Variants in CRB1 observed in about 807,000 individuals in gnomAD.
CRB1 encodes protein crumbs homolog 1.
CRB1 carries 83 observed loss-of-function variants against 120.0 expected under a neutral mutation model. That is an observed-to-expected ratio of 0.69 (90% confidence interval 0.58 to 0.83). The LOEUF is 0.83. Among genes scored for constraint, CRB1 ranks in the 40% least tolerant of loss-of-function variants. The pLI is 0.00. For synonymous variants in CRB1, 625 were observed against 612.5 expected (o/e 1.02, Z -0.30); for missense variants, 1,699 against 1,687.6 (o/e 1.01, Z -0.12).
chr1:197,435,318 G>A lies in CRB1; in HGVS notation c.3455G>A (p.Gly1152Glu). The A allele has an allele frequency of 1.2e-6, 2 of 1,613,780 alleles. No individual in the cohort carries two copies. The highest frequency in any genetic ancestry group is 1.1e-5 in the South Asian group (1 of 91,078). Reference protein sequence around the residue: ...VCNSNPCLHGGNCEDIYSSYH... With the variant: ...VCNSNPCLHGENCEDIYSSYH... Reference sequence around the variant, plus strand: ...AACTCCAACCCCTGTTTGCATGGAGGAAACTGTGAAGACATCTATAGCTCT... The same window carrying A: ...AACTCCAACCCCTGTTTGCATGGAGAAAACTGTGAAGACATCTATAGCTCT... Residue 1152 changes from glycine to glutamate, a missense_variant, in exon 9 of 12, where the codon GGA becomes GAA. Physicochemically the swap from Gly to Glu is moderately conservative, Grantham distance 98. Transcript: ENST00000367400.
intron 1 of CRB1, among the ~76,000 whole-genome samples, chr1:197,293,572 C>A (rs1656330658): frequency 6.6e-6 from 1 of 152,050 alleles, no homozygotes; most frequent in Non-Finnish European, 1.5e-5. Context: ...CTTTAAAGTT[C>A]ATATGGAACC....
chr1:197,337,627 G>A (rs1219374416), intron 2 of CRB1, among the ~76,000 whole-genome samples: 2 of 152,002 alleles, frequency 1.3e-5, no homozygotes, highest in African/African-American at 2.4e-5. Context: ...AATACCTATG[G>A]TATCTAAACA....
At chr1:197,359,352 T>G (rs1041648792) in intron 5 of CRB1, among the ~76,000 whole-genome samples, 2 of 152,072 alleles carry the variant, frequency 1.3e-5, no homozygotes, top group African/African-American at 2.4e-5. Context: ...AATAAGAGTT[T>G]TTTTTTTTTT....
the CRB1 span, among the ~76,000 whole-genome samples, chr1:197,224,194 T>C: frequency 1.5e-4 from 23 of 152,192 alleles, no homozygotes; most frequent in African/African-American, 5.5e-4. Flanking sequence ...GTTTACATAA[T>C]GGAGTCTGAA....
chr1:197,458,892 T>C (rs1666403109), intron 11 of CRB1, among the ~76,000 whole-genome samples: 1 of 152,106 alleles, frequency 6.6e-6, no homozygotes, highest in Non-Finnish European at 1.5e-5. Context: ...AAGCACAGTA[T>C]AAATTCACAG....
At chr1:197,450,957 C>CAAAAAAAA (rs11288525) in intron 11 of CRB1, among the ~76,000 whole-genome samples, 1 of 56,632 alleles carries the variant, frequency 1.8e-5, no homozygotes, top group Non-Finnish European at 3.0e-5. Flanking sequence ...GACTCCGTCC[C>CAAAAAAAA]AAAAAAAAAA....
chr1:197,363,990 A>C (rs1660926280), intron 5 of CRB1: 2 of 1,387,480 alleles, frequency 1.4e-6, no homozygotes, highest in Admixed American at 1.7e-5. Context: ...AAAGCTATGA[A>C]AAGTGCCGGC....
the CRB1 span, among the ~76,000 whole-genome samples, chr1:197,221,343 A>G: frequency 6.6e-6 from 1 of 152,228 alleles, no homozygotes; most frequent in African/African-American, 2.4e-5. Context: ...TTTGATAACT[A>G]TAGAATTAGT....
chr1:197,252,653 CAT>C, the CRB1 span, among the ~76,000 whole-genome samples: 1 of 135,038 alleles, frequency 7.4e-6, no homozygotes, highest in African/African-American at 2.7e-5. Flanking sequence ...CACACACACA[CAT>C]ATATATAAAA....
chr1:197,382,245 C>A lies in CRB1; in HGVS notation c.1171+25232C>A, dbSNP rs983840578. 2.0e-5 allele frequency among the ~76,000 whole-genome samples: 3 copies of A among 152,322 alleles called. No homozygotes were observed. In the South Asian group the frequency reaches 6.2e-4, roughly 32 times the overall value. ...GTTAATATATTCAAAATGCCTAGAACAGCACCTGGTGCAAAGAAAGTTCAG... is the reference window on the plus strand; with the variant it reads ...GTTAATATATTCAAAATGCCTAGAAAAGCACCTGGTGCAAAGAAAGTTCAG... On this transcript the variant is annotated intron_variant, in intron 5 of 11. Coordinates refer to ENST00000367400, the MANE Select transcript of CRB1 (RefSeq NM_201253.3).
chr1:197,297,664 T>C (rs1656611625), intron 1 of CRB1, among the ~76,000 whole-genome samples: 1 of 152,064 alleles, frequency 6.6e-6, no homozygotes. Flanking sequence ...AGTAGAGATC[T>C]GATGATTGAG....
the CRB1 span, among the ~76,000 whole-genome samples, chr1:197,262,986 A>G: frequency 6.6e-6 from 1 of 152,242 alleles, no homozygotes; most frequent in East Asian, 1.9e-4. Flanking sequence ...GCTGTAATGA[A>G]CATATGATTG....
the CRB1 span, chr1:197,223,310 A>C: frequency 1.5e-6 from 1 of 668,134 alleles, no homozygotes; most frequent in South Asian, 1.7e-5. Context: ...GTTTTGTTAA[A>C]ATATATCATA....
chr1:197,337,845 C>T (rs567935163), intron 2 of CRB1, among the ~76,000 whole-genome samples: 1 of 152,088 alleles, frequency 6.6e-6, no homozygotes, highest in African/African-American at 2.4e-5. Context: ...AAGAATTCAA[C>T]TTCTAAAATG....
At chr1:197,215,275 ATTTTTTT>A in the CRB1 span, among the ~76,000 whole-genome samples, 1 of 131,040 alleles carries the variant, frequency 7.6e-6, no homozygotes, top group East Asian at 2.4e-4. Flanking sequence ...CCAGTGGGAG[ATTTTTTT>A]TTTTTTTTTT....
At chr1:197,290,197 T>C (rs1399224610) in intron 1 of CRB1, among the ~76,000 whole-genome samples, 1 of 151,842 alleles carries the variant, frequency 6.6e-6, no homozygotes, top group Non-Finnish European at 1.5e-5. Flanking sequence ...GTAGAACATT[T>C]TTTGCTGTGC....
At chr1:197,203,036 A>C in the CRB1 span, among the ~76,000 whole-genome samples, 3 of 152,212 alleles carry the variant, frequency 2.0e-5, no homozygotes, top group South Asian at 6.2e-4. Flanking sequence ...ATTGGATTTA[A>C]TAAAGGAATG....
chr1:197,233,406 G>T, the CRB1 span, among the ~76,000 whole-genome samples: 1 of 152,048 alleles, frequency 6.6e-6, no homozygotes, highest in Non-Finnish European at 1.5e-5. Flanking sequence ...TAAGTAGAAT[G>T]TAAGTGGCAC....
chr1:197,400,268 C>A (rs1662991543), intron 5 of CRB1, among the ~76,000 whole-genome samples: 1 of 150,758 alleles, frequency 6.6e-6, no homozygotes, highest in Non-Finnish European at 1.5e-5. Flanking sequence ...CAGCATTGTG[C>A]CATAAAAGTA....
Sources: gnomAD v4.1 joint callset for allele counts (sites outside exome capture counted in the v4.1 genomes callset) on GRCh38, gnomAD v4.1.1 for gene constraint, MANE v1.5 for transcripts, NCBI Gene and HGNC (gene_info 2026-07-23, HGNC 2026-07-21) for gene names.